The following PCDHA1 variants were observed in gnomAD, a reference collection of about 807,000 sequenced individuals.
PCDHA1 encodes protocadherin alpha 1, also known as protocadherin alpha-1.
A neutral mutation model predicts 61.3 loss-of-function variants in PCDHA1; 42 were observed. That is an observed-to-expected ratio of 0.69 (90% CI 0.54 to 0.89). The LOEUF is 0.89. Among genes scored for constraint, PCDHA1 ranks in the 40% least tolerant of loss-of-function variants. The pLI is 0.00. For missense variants in PCDHA1, 1,256 were observed against 1,235.3 expected, an observed-to-expected ratio of 1.02 and a Z score of -0.25; for synonymous variants, 610 against 553.8, an observed-to-expected ratio of 1.10 and a Z score of -1.43.
chr5:140,961,054 T>C (rs1290831214), intron 1 of PCDHA1, among the ~76,000 whole-genome samples: 2 of 152,136 alleles, frequency 1.3e-5, no homozygotes, highest in African/African-American at 4.8e-5. Context: ...AACAAAATGT[T>C]GAATGGGATA....
intron 1 of PCDHA1, among the ~76,000 whole-genome samples, chr5:140,954,400 A>G (rs1349668578): frequency 6.6e-6 from 1 of 152,214 alleles, no homozygotes; most frequent in East Asian, 1.9e-4. Context: ...CAACCCCACC[A>G]ACAGGGTAAA....
chr5:140,927,506 C>G (rs1554204645), intron 1 of PCDHA1: 1 of 1,614,128 alleles, frequency 6.2e-7, no homozygotes, highest in Non-Finnish European at 8.5e-7. Context: ...GTGCTTACAG[C>G]TCGGGACGGC....
chr5:140,928,903 T>C, intron 1 of PCDHA1: 1 of 1,614,190 alleles, frequency 6.2e-7, no homozygotes, highest in Non-Finnish European at 8.5e-7. Flanking sequence ...TGAAGATGTC[T>C]GGGAACCAGG....
chr5:140,821,833 C>A, intron 1 of PCDHA1: 1 of 1,614,122 alleles, frequency 6.2e-7, no homozygotes, highest in Non-Finnish European at 8.5e-7. Flanking sequence ...CTGGCTTCTC[C>A]TTGCCTACTG....
intron 1 of PCDHA1, chr5:140,869,228 G>A (rs782726206): frequency 6.2e-7 from 1 of 1,613,764 alleles, no homozygotes; most frequent in Non-Finnish European, 8.5e-7. Context: ...GCCAAACACG[G>A]CACCTTCGTG....
At position 140,829,016 on chromosome 5, in the gene PCDHA1, G is replaced by C. The variant is rs1554131717; in HGVS notation, c.2394+40332G>C. The C allele has an allele frequency of 5.0e-6, 8 of 1,613,532 alleles. No individual in the cohort carries two copies. In the East Asian group the frequency reaches 1.6e-4, roughly 31 times the overall value. ...AGAAATAGTGATTCGGGGTAATTTG[G>C]ATTTTGAACAAGAAAACTTATACAA... is the stretch of plus-strand genomic sequence containing the variant. On this transcript the variant is annotated intron_variant, in intron 1 of 3. Coordinates refer to ENST00000504120, the MANE Select transcript of PCDHA1 (RefSeq NM_018900.4).
intron 1 of PCDHA1, chr5:140,856,456 A>T: frequency 6.3e-7 from 1 of 1,598,478 alleles, no homozygotes; most frequent in Non-Finnish European, 8.6e-7. Flanking sequence ...CCGTAACAGA[A>T]CAAAAGCTCT....
chr5:140,911,894 A>G (rs1352900427), intron 1 of PCDHA1, among the ~76,000 whole-genome samples: 2 of 152,184 alleles, frequency 1.3e-5, no homozygotes, highest in Non-Finnish European at 2.9e-5. Context: ...CAAAATCTGT[A>G]TTAGTCAGAG....
intron 1 of PCDHA1, chr5:140,848,253 T>C (rs1021743216): frequency 2.3e-5 from 11 of 469,010 alleles, no homozygotes; most frequent in African/African-American, 2.1e-4. Flanking sequence ...AGAATAACTG[T>C]GAAATTTTTA....
intron 1 of PCDHA1, among the ~76,000 whole-genome samples, chr5:140,903,945 C>G (rs191892568): frequency 2.6e-5 from 4 of 152,162 alleles, no homozygotes; most frequent in Non-Finnish European, 5.9e-5. Context: ...CTCTTAAATA[C>G]TGGAAAATTA....
intron 1 of PCDHA1, chr5:140,870,518 A>G: frequency 6.2e-7 from 1 of 1,614,230 alleles, no homozygotes; most frequent in Admixed American, 1.7e-5. Context: ...CCAGGCTGCC[A>G]CATCTTCACA....
In PCDHA1 at chr5:140,786,326, G is replaced by A. The variant is rs782583512; in HGVS notation, c.36G>A (p.Arg12=). 3.1e-6 allele frequency: 5 copies of A among 1,612,692 alleles called. No homozygotes were observed. The South Asian group carries it at 5.5e-5, about 18-fold the overall frequency. ...CTAGGAGAGGGGGCCTGGGAGCCCG[G>A]GATCTGCTTCTTTGGCTTCTGCTCC... is the stretch of plus-strand genomic sequence containing the variant. ...VFSRRGGLGA[R]DLLLWLLLLA... Residue 12 remains arginine, a synonymous_variant, in exon 1 of 4, where the codon CGG becomes CGA. Coordinates refer to ENST00000504120, the MANE Select transcript of PCDHA1 (RefSeq NM_018900.4).
intron 1 of PCDHA1, chr5:140,927,566 A>G: frequency 6.2e-7 from 1 of 1,614,168 alleles, no homozygotes; most frequent in Non-Finnish European, 8.5e-7. Flanking sequence ...ATTGTGGTGG[A>G]CACAAATGAC....
intron 1 of PCDHA1, chr5:140,870,246 C>A: frequency 6.2e-7 from 1 of 1,614,168 alleles, no homozygotes; most frequent in Non-Finnish European, 8.5e-7. Flanking sequence ...CAGGTGTCAA[C>A]GGACAGGTGA....
At chr5:140,877,540 G>A (rs1044322759) in intron 1 of PCDHA1, 2 of 1,613,770 alleles carry the variant, frequency 1.2e-6, no homozygotes, top group East Asian at 2.2e-5. Flanking sequence ...TGTGGATCCC[G>A]AAGCGGCTCT....
At position 140,843,162 on chromosome 5, in the gene PCDHA1, C is replaced by G; in HGVS notation, c.2394+54478C>G. 1.9e-6 allele frequency: 3 copies of G among 1,596,122 alleles called. 1 individual carries two copies. The highest frequency in any genetic ancestry group is 2.6e-6 in the Non-Finnish European group (3 of 1,165,610). ...TGGCTTTCGTATGAGCTGCAGCCAG[C>G]TGCAAGCAGCCCTCGCATCCCGTTC... On this transcript the variant is annotated intron_variant, in intron 1 of 3. Coordinates refer to ENST00000504120, the MANE Select transcript of PCDHA1 (RefSeq NM_018900.4).
intron 1 of PCDHA1, chr5:140,829,661 G>T: frequency 1.2e-6 from 2 of 1,612,716 alleles, no homozygotes; most frequent in Non-Finnish European, 1.7e-6. Flanking sequence ...GCAGCCGCTG[G>T]ACCACGAGGA....
In PCDHA1 at chr5:140,797,248, G is replaced by A; in HGVS notation, c.2394+8564G>A. ...GAGGCGGCAGAGGGTGTGCTCTGGG[G>A]AGGACCCCCCCAAGACGGACCTCAT... is the stretch of plus-strand genomic sequence containing the variant. On this transcript the variant is annotated intron_variant, in intron 1 of 3. Coordinates refer to ENST00000504120, the MANE Select transcript of PCDHA1 (RefSeq NM_018900.4). 2 of 1,614,190 alleles carry A rather than the reference G, an allele frequency of 1.2e-6. No homozygotes were observed. Among genetic ancestry groups the A allele is most frequent in the Non-Finnish European group, 1.7e-6 (2 of 1,180,032 alleles).
chr5:140,927,758 A>G (rs781942462), intron 1 of PCDHA1: 1 of 1,614,170 alleles, frequency 6.2e-7, no homozygotes, highest in Non-Finnish European at 8.5e-7. Flanking sequence ...GTGCACCCTA[A>G]AAGTGGGGAG....
Sources: allele counts gnomAD v4.1 joint callset (sites outside exome capture counted in the v4.1 genomes callset), GRCh38; gene constraint gnomAD v4.1.1; transcripts MANE v1.5; gene names NCBI Gene and HGNC (gene_info 2026-07-23, HGNC 2026-07-21).